The following DMRTA2 variants were observed in gnomAD, a reference collection of about 807,000 sequenced individuals.
The protein encoded by DMRTA2 is doublesex- and mab-3-related transcription factor A2.
DMRTA2 carries 10 observed loss-of-function variants against 29.7 expected under a neutral mutation model. That is an observed-to-expected ratio of 0.34 (90% CI 0.21 to 0.57). The LOEUF (loss-of-function observed/expected upper bound fraction) is 0.57, where lower values mean the gene tolerates loss of function less well. Ranked by LOEUF, DMRTA2 falls within the 20% of genes least tolerant of loss-of-function variation. DMRTA2 has a pLI of 0.87. For missense variants in DMRTA2, 783 were observed against 812.1 expected (o/e 0.96, Z 0.44); for synonymous variants, 469 against 402.6 (o/e 1.16, Z -1.97).
chr1:50,420,951 C>G lies in DMRTA2; in HGVS notation c.559+27G>C. 7.0e-7 allele frequency: 1 copy of G among 1,431,004 alleles called. No individual in the cohort carries two copies. Among genetic ancestry groups the G allele is most frequent in the Non-Finnish European group, 9.1e-7 (1 of 1,102,736 alleles). The allele number at this position is 1,431,004 out of a possible 1,614,324, so 88.6% of individuals were successfully genotyped here. A position where few individuals can be genotyped will look rare whatever the true frequency, so the allele number is the denominator to read the frequency against. ...CCCCAGAGCTACGATCCTGCTGCCC[C>G]TACCTGCGGCCTGGCCGCGCTCTCA... On this transcript the variant is annotated intron_variant, in intron 2 of 2. Coordinates refer to ENST00000404795, the MANE Select transcript of DMRTA2 (RefSeq NM_032110.3). This position sits in a 1 kb window ranked among gnomAD's most constrained non-coding sequence, Gnocchi z 4.1.
At position 50,419,856 on chromosome 1, in the gene DMRTA2, C is replaced by T. The variant is rs1646023645; in HGVS notation, c.560-122G>A. ...CCCACAGCCCTTATTCACTAGGCTCCAGTGCCCCTCTTTCTTTTTGCTCTA... is the reference window on the plus strand; with the variant it reads ...CCCACAGCCCTTATTCACTAGGCTCTAGTGCCCCTCTTTCTTTTTGCTCTA... On this transcript the variant is annotated intron_variant, in intron 2 of 2. Transcript: ENST00000404795. The surrounding 1 kb of genome is among the most constrained non-coding windows in gnomAD (Gnocchi z 6.1). 1 of 794,796 alleles carries T rather than the reference C, an allele frequency of 1.3e-6. No homozygotes were observed. Among genetic ancestry groups the T allele is most frequent in the Non-Finnish European group, 1.9e-6 (1 of 539,364 alleles). 49.2% of individuals were successfully genotyped at this position (794,796 alleles called of 1,614,324 possible).
In DMRTA2 at chr1:50,419,646, G is replaced by A. The variant is rs1278533; in HGVS notation, c.648C>T (p.Pro216=). The part of the protein sequence containing the change: ...PGSPLPPPVK[P]LSPDGADSGP... The stretch of plus-strand genomic sequence containing the variant: ...CCGAGTCTGCGCCGTCGGGTGATAA[G>A]GGCTTCACCGGCGGCGGCAGCGGGC... Residue 216 remains proline, a synonymous_variant, in exon 3 of 3, where the codon CCC becomes CCT. Transcript: ENST00000404795. This position sits in a 1 kb window ranked among gnomAD's most constrained non-coding sequence, Gnocchi z 6.1. The A allele has an allele frequency of 2.4e-3, 3,605 of 1,507,388 alleles. 73 individuals carry two copies. The African/African-American group carries it at 0.047, about 20-fold the overall frequency. The allele number at this position is 1,507,388 out of a possible 1,614,324, so 93.4% of individuals were successfully genotyped here.
Position 50,420,992 on chromosome 1 carries a change from C to G in DMRTA2, c.545G>C (p.Gly182Ala). The G allele has an allele frequency of 2.0e-6, 3 of 1,501,632 alleles. No homozygotes were observed. The highest frequency in any genetic ancestry group is 1.8e-6 in the Non-Finnish European group (2 of 1,132,740). 93.0% of individuals were successfully genotyped at this position (1,501,632 alleles called of 1,614,324 possible). Residue 182 changes from glycine (G) to alanine (A), a missense_variant, in exon 2 of 3, where the codon GGC becomes GCC. Gly to Ala is a moderately conservative substitution (Grantham distance 60, BLOSUM62 0). Coordinates refer to ENST00000404795, the MANE Select transcript of DMRTA2 (RefSeq NM_032110.3). This position sits in a 1 kb window ranked among gnomAD's most constrained non-coding sequence, Gnocchi z 4.1. ...APAGTGGGAA[G>A]AGGSEAKLQK... ...CGCGCTCTCACCTGAGCCCCCTGCG[C>G]CAGCTGCTCCGCCTCCGGTCCCCGC...
rs1440369045 is a variant in DMRTA2, at chr1:50,421,218, G to A, written c.319C>T (p.Arg107Cys). The A allele has an allele frequency of 6.5e-7, 1 of 1,536,886 alleles. No homozygotes were observed. Among genetic ancestry groups the A allele is most frequent in the Non-Finnish European group, 8.8e-7 (1 of 1,141,398 alleles). The change falls in exon 2 of 3, where the codon CGT becomes TGT. Residue 107 changes from arginine to cysteine, a missense_variant. Physicochemically the swap from Arg to Cys is radical, Grantham distance 180. Transcript: ENST00000404795. The surrounding 1 kb of genome is among the most constrained non-coding windows in gnomAD (Gnocchi z 8.7). ...AKCTLIAERQ[R>C]VMAAQVALRR... ...AGCGCCACCTGCGCCGCCATGACAC[G>A]CTGGCGCTCCGCGATGAGCGTGCAC...
chr1:50,421,354 G>A lies in DMRTA2; in HGVS notation c.183C>T (p.Ala61=). Residue 61 remains alanine, a synonymous_variant, in exon 2 of 3, where the codon GCC becomes GCT. Transcript: ENST00000404795. The surrounding 1 kb of genome is among the most constrained non-coding windows in gnomAD (Gnocchi z 8.7). The part of the protein sequence containing the change: ...LRGPPLLLRA[A]EKYPRTPKCA... ...ACTTGGGGGTCCGCGGGTACTTCTC[G>A]GCTGCCCGCAGCAACAGTGGCGGCC... is the stretch of plus-strand genomic sequence containing the variant. 6.6e-7 allele frequency: 1 copy of A among 1,517,812 alleles called. No individual in the cohort carries two copies. Among genetic ancestry groups the A allele is most frequent in the Non-Finnish European group, 8.8e-7 (1 of 1,133,062 alleles). The allele number at this position is 1,517,812 out of a possible 1,614,324, so 94.0% of individuals were successfully genotyped here. A position where few individuals can be genotyped will look rare whatever the true frequency, so the allele number is the denominator to read the frequency against.
At position 50,419,215 on chromosome 1, in the gene DMRTA2, G is replaced by T. The variant is rs1481567300; in HGVS notation, c.1079C>A (p.Ala360Asp). Residue 360 changes from alanine to aspartate, a missense_variant, in exon 3 of 3, where the codon GCC becomes GAC. By Grantham distance (126) the Ala-to-Asp change is moderately radical. Transcript: ENST00000404795. The surrounding 1 kb of genome is among the most constrained non-coding windows in gnomAD (Gnocchi z 6.1). ...TGGGGGCGCCGCAGGGCCCAGGCCGGCCGCCAGGCCCCCACGGTGGTGGTT... is the reference window on the plus strand; with the variant it reads ...TGGGGGCGCCGCAGGGCCCAGGCCGTCCGCCAGGCCCCCACGGTGGTGGTT... ...VLNHHRGGLA[A>D]GLGPAAPPDK... 3.4e-6 allele frequency: 5 copies of T among 1,465,432 alleles called. No homozygotes were observed. In the African/African-American group the frequency reaches 7.3e-5, roughly 21 times the overall value. The allele number at this position is 1,465,432 out of a possible 1,614,324, so 90.8% of individuals were successfully genotyped here.
chr1:50,418,748 C>T lies in DMRTA2; in HGVS notation c.1546G>A (p.Ala516Thr). The change falls in exon 3 of 3, where the codon GCT (alanine) becomes ACT (threonine). Residue 516 changes from alanine (A) to threonine (T), a missense_variant. Transcript: ENST00000404795. The stretch of plus-strand genomic sequence containing the variant: ...GGCTCCTTGTGCACCGCCGCAGCAG[C>T]GGCGGCCGAGCGGTCACGCATGAGA... The part of the protein sequence containing the change: ...SDLMRDRSAA[A>T]AAAVHKEPTY... The T allele has an allele frequency of 6.4e-7, 1 of 1,560,832 alleles. No individual in the cohort carries two copies. The highest frequency in any genetic ancestry group is 8.6e-7 in the Non-Finnish European group (1 of 1,157,656).
rs1646040522 is a variant in DMRTA2, at chr1:50,421,733, C to A, written c.-8-189G>T. On this transcript the variant is annotated intron_variant, in intron 1 of 2. Coordinates refer to ENST00000404795, the MANE Select transcript of DMRTA2 (RefSeq NM_032110.3). The surrounding 1 kb of genome is among the most constrained non-coding windows in gnomAD (Gnocchi z 8.7). Reference sequence around the variant, plus strand: ...CCTTGTGAGCCCTAGCACCTTCACCCCAGTCTGGCCATGGCTGCTCTTAGA... The same window carrying A: ...CCTTGTGAGCCCTAGCACCTTCACCACAGTCTGGCCATGGCTGCTCTTAGA... The A allele has an allele frequency of 7.8e-6, 4 of 515,530 alleles. No homozygotes were observed. Among genetic ancestry groups the A allele is most frequent in the Non-Finnish European group, 1.2e-5 (4 of 344,228 alleles). The allele number at this position is 515,530 out of a possible 1,614,324, so 31.9% of individuals were successfully genotyped here. A position where few individuals can be genotyped will look rare whatever the true frequency, so the allele number is the denominator to read the frequency against.
chr1:50,419,247 C>T lies in DMRTA2; in HGVS notation c.1047G>A (p.Gln349=), dbSNP rs761656642. The T allele has an allele frequency of 1.3e-6, 2 of 1,573,428 alleles. No individual in the cohort carries two copies. Among genetic ancestry groups the T allele is most frequent in the Admixed American group, 1.7e-5 (1 of 57,908 alleles). Reference sequence around the variant, plus strand: ...GGCCCCCACGGTGGTGGTTCAGCACCTGCTCGATGGCCTGCACCACGTCGC... The same window carrying T: ...GGCCCCCACGGTGGTGGTTCAGCACTTGCTCGATGGCCTGCACCACGTCGC... ...CGGDVVQAIE[Q]VLNHHRGGLA... is the part of the protein sequence containing the mutation. The change falls in exon 3 of 3, where the codon CAG becomes CAA. Residue 349 remains glutamine, a synonymous_variant. Transcript: ENST00000404795. This position sits in a 1 kb window ranked among gnomAD's most constrained non-coding sequence, Gnocchi z 6.1.
Position 50,420,291 on chromosome 1 carries a change from G to A in DMRTA2, c.560-557C>T, listed in dbSNP as rs914358555. ...GAGAAGTTCTTCCCTCCCAAGTTTA[G>A]AGCGGATCCCTCCTTTCCCTCAACG... On this transcript the variant is annotated intron_variant, in intron 2 of 2. Transcript: ENST00000404795. This position sits in a 1 kb window ranked among gnomAD's most constrained non-coding sequence, Gnocchi z 4.1. Among the ~76,000 whole-genome samples the A allele has an allele frequency of 2.0e-5, 3 of 152,146 alleles. No homozygotes were observed. Among genetic ancestry groups the A allele is most frequent in the Non-Finnish European group, 4.4e-5 (3 of 68,034 alleles).
At position 50,422,245 on chromosome 1, in the gene DMRTA2, G is replaced by A. The variant is rs1000706353; in HGVS notation, c.-8-701C>T. Among the ~76,000 whole-genome samples the A allele has an allele frequency of 6.6e-6, 1 of 152,210 alleles. No individual in the cohort carries two copies. Among genetic ancestry groups the A allele is most frequent in the Non-Finnish European group, 1.5e-5 (1 of 68,042 alleles). ...GTTAGGCCCAGTGGCTCTGGGACCC[G>A]TAAAAATGTGAGCGCCAAAAGTTCC... is the stretch of plus-strand genomic sequence containing the variant. On this transcript the variant is annotated intron_variant, in intron 1 of 2. Coordinates refer to ENST00000404795, the MANE Select transcript of DMRTA2 (RefSeq NM_032110.3). This position sits in a 1 kb window ranked among gnomAD's most constrained non-coding sequence, Gnocchi z 5.7.
In DMRTA2 at chr1:50,419,167, G is replaced by T; in HGVS notation, c.1127C>A (p.Ala376Glu). 5 of 1,302,678 alleles carry T rather than the reference G, an allele frequency of 3.8e-6. No homozygotes were observed. The highest frequency in any genetic ancestry group is 4.9e-6 in the Non-Finnish European group (5 of 1,029,580). 80.7% of individuals were successfully genotyped at this position (1,302,678 alleles called of 1,614,324 possible). A position where few individuals can be genotyped will look rare whatever the true frequency, so the allele number is the denominator to read the frequency against. Residue 376 changes from alanine (A) to glutamate (E), a missense_variant, in exon 3 of 3, where the codon GCA becomes GAA. Physicochemically the swap from Ala to Glu is moderately radical, Grantham distance 107. Around this residue, in one of 3 missense-constraint regions of DMRTA2, gnomAD observed 667 missense variants for 624.8 expected, o/e 1.07. Transcript: ENST00000404795. This position sits in a 1 kb window ranked among gnomAD's most constrained non-coding sequence, Gnocchi z 6.1. Reference sequence around the variant, plus strand: ...GGGCCACGCGTCGTCTGCAGCTGCTGCAGCACCCACGGCGGCCTTATCTGG... The same window carrying T: ...GGGCCACGCGTCGTCTGCAGCTGCTTCAGCACCCACGGCGGCCTTATCTGG... ...APPDKAAVGAAAAADDAWPSR... is the reference protein window; with the variant it reads ...APPDKAAVGAEAAADDAWPSR...
rs1557940233 is a variant in DMRTA2 at position 50,420,445 on chromosome 1, G to T, written c.559+533C>A. ...AAGCAGACCTGAGAAACCAGGGAGG[G>T]TGCGGAAGAAACTAGAAGGAGGGAG... On this transcript the variant is annotated intron_variant, in intron 2 of 2. Transcript: ENST00000404795. The surrounding 1 kb of genome is among the most constrained non-coding windows in gnomAD (Gnocchi z 4.1). Among the ~76,000 whole-genome samples the T allele has an allele frequency of 6.6e-6, 1 of 152,176 alleles. No individual in the cohort carries two copies. Among genetic ancestry groups the T allele is most frequent in the Non-Finnish European group, 1.5e-5 (1 of 68,040 alleles).
At position 50,419,724 on chromosome 1, in the gene DMRTA2, C is replaced by T; in HGVS notation, c.570G>A (p.Leu190=). 6.8e-7 allele frequency: 1 copy of T among 1,473,706 alleles called. No homozygotes were observed. Among genetic ancestry groups the T allele is most frequent in the South Asian group, 1.4e-5 (1 of 69,418 alleles). 91.3% of individuals were successfully genotyped at this position (1,473,706 alleles called of 1,614,324 possible). Residue 190 remains leucine, a synonymous_variant, in exon 3 of 3, where the codon TTG becomes TTA. Coordinates refer to ENST00000404795, the MANE Select transcript of DMRTA2 (RefSeq NM_032110.3). The surrounding 1 kb of genome is among the most constrained non-coding windows in gnomAD (Gnocchi z 6.1). ...TCTTAGGAAACAGGTCAAACTTCTG[C>T]AACTTGGCCTCTGGGAGGGGAGAAA... The part of the protein sequence containing the change: ...AAGAGGSEAK[L]QKFDLFPKTL...
At position 50,419,801 on chromosome 1, in the gene DMRTA2, C is replaced by T. The variant is rs1646023255; in HGVS notation, c.560-67G>A. ...AAGACAGCAGTCACAGCACCTCGGC[C>T]CTTTGGATCTCAGTTTCCTCTCCCT... On this transcript the variant is annotated intron_variant, in intron 2 of 2. Transcript: ENST00000404795. This position sits in a 1 kb window ranked among gnomAD's most constrained non-coding sequence, Gnocchi z 6.1. 1.5e-6 allele frequency: 2 copies of T among 1,323,506 alleles called. No individual in the cohort carries two copies. 82.0% of individuals were successfully genotyped at this position (1,323,506 alleles called of 1,614,324 possible).
rs751385375 is a variant in DMRTA2, at chr1:50,419,109, G to A, written c.1185C>T (p.Ala395=). The A allele has an allele frequency of 1.2e-3, 989 of 847,492 alleles. 24 individuals are homozygous for A. Among genetic ancestry groups the A allele is most frequent in the East Asian group, 0.01 (212 of 20,862 alleles). 52.5% of individuals were successfully genotyped at this position (847,492 alleles called of 1,614,324 possible). Residue 395 remains alanine, a synonymous_variant, in exon 3 of 3, where the codon GCC becomes GCT. Transcript: ENST00000404795. The surrounding 1 kb of genome is among the most constrained non-coding windows in gnomAD (Gnocchi z 6.1). ...SRVDAAAAAA[A]AAGGPGLPAP... ...CAGGCAGCCCAGGCCCCCCGGCGGC[G>A]GCGGCGGCGGCGGCGGCGGCGTCGA...
rs1646014223 is a variant in DMRTA2 at position 50,419,102 on chromosome 1, C to G, written c.1192G>C (p.Gly398Arg). Residue 398 changes from glycine (G) to arginine (R), a missense_variant, in exon 3 of 3, where the codon GGG (glycine) becomes CGG (arginine). Gly to Arg is a moderately radical substitution (Grantham distance 125). Coordinates refer to ENST00000404795, the MANE Select transcript of DMRTA2 (RefSeq NM_032110.3). The surrounding 1 kb of genome is among the most constrained non-coding windows in gnomAD (Gnocchi z 6.1). ...AGCGGCGCAGGCAGCCCAGGCCCCCCGGCGGCGGCGGCGGCGGCGGCGGCG... is the reference window on the plus strand; with the variant it reads ...AGCGGCGCAGGCAGCCCAGGCCCCCGGGCGGCGGCGGCGGCGGCGGCGGCG... ...DAAAAAAAAA[G>R]GPGLPAPLQA... The G allele has an allele frequency of 1.8e-5, 9 of 514,252 alleles. No homozygotes were observed. The highest frequency in any genetic ancestry group is 1.8e-5 in the Non-Finnish European group (7 of 384,142). The allele number at this position is 514,252 out of a possible 1,614,324, so 31.9% of individuals were successfully genotyped here.
chr1:50,418,941 G>T lies in DMRTA2; in HGVS notation c.1353C>A (p.Asp451Glu). 3 of 1,443,692 alleles carry T rather than the reference G, an allele frequency of 2.1e-6. No individual in the cohort carries two copies. Among genetic ancestry groups the T allele is most frequent in the South Asian group, 2.8e-5 (2 of 70,248 alleles). 89.4% of individuals were successfully genotyped at this position (1,443,692 alleles called of 1,614,324 possible). ...GCGCGCCCAGCGGGTAGGCGCCCGC[G>T]TCGGCACCGAAGTGACTGGCGTTGG... ...LQPNASHFGA[D>E]AGAYPLGAPL... The change falls in exon 3 of 3, where the codon GAC becomes GAA. Residue 451 changes from aspartate (D) to glutamate (E), a missense_variant. Coordinates refer to ENST00000404795, the MANE Select transcript of DMRTA2 (RefSeq NM_032110.3).
Position 50,418,424 on chromosome 1 carries a change from G to A in DMRTA2, c.*241C>T. 1 of 374,990 alleles carries A rather than the reference G, an allele frequency of 2.7e-6. No homozygotes were observed. 23.2% of individuals were successfully genotyped at this position (374,990 alleles called of 1,614,324 possible). On this transcript the variant is annotated 3_prime_UTR_variant, in exon 3 of 3. Coordinates refer to ENST00000404795, the MANE Select transcript of DMRTA2 (RefSeq NM_032110.3). The stretch of plus-strand genomic sequence containing the variant: ...GTGAGGCTGGAAGAGGGATCCGGAG[G>A]TAGGAGATGAGGACCCAGGCCGCGC...
Sources: gnomAD v4.1 joint callset for allele counts (sites outside exome capture counted in the v4.1 genomes callset) on GRCh38, gnomAD v4.1.1 for gene constraint, gnomAD v4.1.1 regional missense constraint, Gnocchi (gnomAD v3.1) non-coding constraint, MANE v1.5 for transcripts, NCBI Gene and HGNC (gene_info 2026-07-23, HGNC 2026-07-21) for gene names.